G6PD: variants seen among roughly 807,000 people sequenced by gnomAD.
G6PD encodes glucose-6-phosphate dehydrogenase.
A neutral mutation model predicts 38.2 loss-of-function variants in G6PD; 2 were observed. The observed-to-expected ratio is 0.05, with a 90% confidence interval of 0.02 to 0.16. G6PD has a LOEUF of 0.16. Ranked by LOEUF, G6PD falls within the 10% of genes least tolerant of loss-of-function variation. G6PD has a pLI of 1.00. For synonymous variants in G6PD, 188 were observed against 196.0 expected (o/e 0.96, Z 0.34); for missense variants, 310 against 471.6 (o/e 0.66, Z 3.17).
At chrX:154,538,359 GGTA>G (rs1407764386) in intron 2 of G6PD, among the ~76,000 whole-genome samples, 1 of 111,558 alleles carries the variant, frequency 9.0e-6, no homozygotes, top group Non-Finnish European at 1.9e-5. Flanking sequence ...TGTTAAAAAC[GGTA>G]GGTTTTTTAT....
At position 154,542,119 on chromosome X, in the gene G6PD, A is replaced by C. The variant is rs2070525771; in HGVS notation, c.120+3917T>G. The stretch of plus-strand genomic sequence containing the variant: ...TCACCGGGGCTTTGGGGGAGTGCCA[A>C]CATCATCATGACACAGCAAGAATCT... On this transcript the variant is annotated intron_variant, in intron 2 of 12. Transcript: ENST00000393562. 3 of 429,955 alleles carry C rather than the reference A, an allele frequency of 7.0e-6. No individual in the cohort carries two copies. The Admixed American group carries it at 1.5e-4, about 22-fold the overall frequency. 35.4% of individuals were successfully genotyped at this position (429,955 alleles called of 1,213,427 possible). A position where few individuals can be genotyped will look rare whatever the true frequency, so the allele number is the denominator to read the frequency against.
chrX:154,545,945 C>G (rs2070697480), intron 2 of G6PD, 91 bp downstream of exon 2: 8 of 1,107,052 alleles, frequency 7.2e-6, no homozygotes, highest in African/African-American at 1.8e-5. Flanking sequence ...CTTAGCAGAG[C>G]CTGTGGGGCC....
In G6PD at chrX:154,533,389, G is replaced by C. The variant is rs1291013881; in HGVS notation, c.864+187C>G. 7.5e-6 allele frequency: 4 copies of C among 530,227 alleles called. No homozygotes were observed. The South Asian group carries it at 1.2e-4, about 16-fold the overall frequency. 43.7% of individuals were successfully genotyped at this position (530,227 alleles called of 1,213,427 possible). On this transcript the variant is annotated intron_variant, in intron 8 of 12. Coordinates refer to ENST00000393562, the MANE Select transcript of G6PD (RefSeq NM_001360016.2). Reference sequence around the variant, plus strand: ...TGGTCACATAGTGACTGTCAGGCCTGGGACATGACAACTTGGGCTTCATGA... The same window carrying C: ...TGGTCACATAGTGACTGTCAGGCCTCGGACATGACAACTTGGGCTTCATGA...
At chrX:154,544,850 G>C (rs782326747) in intron 2 of G6PD, among the ~76,000 whole-genome samples, 1 of 112,488 alleles carries the variant, frequency 8.9e-6, no homozygotes, top group African/African-American at 3.2e-5. Context: ...GTGACAGCGC[G>C]TTGTTCTATG....
chrX:154,537,591 G>C (rs2070425216), intron 2 of G6PD, among the ~76,000 whole-genome samples: 1 of 112,127 alleles, frequency 8.9e-6, no homozygotes, highest in African/African-American at 3.2e-5. Context: ...CTCCAGCCTG[G>C]GCTACAAAAG....
intron 2 of G6PD, among the ~76,000 whole-genome samples, chrX:154,542,732 C>T (rs1226991482): frequency 1.8e-5 from 2 of 111,971 alleles, no homozygotes; most frequent in East Asian, 2.8e-4. Flanking sequence ...CTCGGGGCTC[C>T]GGGCATTTGC....
In G6PD at chrX:154,534,319, G is replaced by C. The variant is rs201113696; in HGVS notation, c.644+19C>G. On this transcript the variant is annotated intron_variant, in intron 6 of 12. Coordinates refer to ENST00000393562, the MANE Select transcript of G6PD (RefSeq NM_001360016.2). ...AGTACCACCCCCACCCTGGTCCCCC[G>C]GCCCAGGCTTGGCCCCACCTCAGCA... 1 of 1,210,581 alleles carries C rather than the reference G, an allele frequency of 8.3e-7. No individual in the cohort carries two copies. The highest frequency in any genetic ancestry group is 3.0e-5 in the East Asian group (1 of 33,808).
At chrX:154,546,326 G>C (rs890195733) in intron 1 of G6PD, 163 bp from the exon 2 acceptor site, 3 of 644,836 alleles carry the variant, frequency 4.7e-6, no homozygotes, top group Non-Finnish European at 7.3e-6. Flanking sequence ...TGATGGGTTA[G>C]AAACTGCTGG....
chrX:154,546,599 G>A (rs1755042729), intron 1 of G6PD, among the ~76,000 whole-genome samples, 190 bp downstream of exon 1: 1 of 110,986 alleles, frequency 9.0e-6, no homozygotes, highest in Non-Finnish European at 1.9e-5. Context: ...GACCCCGGTC[G>A]GCAAGTCCCC....
chrX:154,540,853 G>A (rs1399428371), intron 2 of G6PD, among the ~76,000 whole-genome samples: 1 of 111,099 alleles, frequency 9.0e-6, no homozygotes, highest in Non-Finnish European at 1.9e-5. Flanking sequence ...CAGGGGCCCT[G>A]CTCCACTTCT....
chrX:154,545,731 G>T (rs1423562364), intron 2 of G6PD: 10 of 268,206 alleles, frequency 3.7e-5, no homozygotes, highest in Non-Finnish European at 6.7e-6. Context: ...GCTACTTGGG[G>T]GGCTGAGGCA....
chrX:154,532,444 C>A lies in G6PD; in HGVS notation c.1306G>T (p.Ala436Ser). ...NRYKNVKLPDAYERLILDVFC... is the reference protein window; with the variant it reads ...NRYKNVKLPDSYERLILDVFC... The stretch of plus-strand genomic sequence containing the variant: ...ACGTCCAGGATGAGGCGCTCATAGG[C>A]GTCAGGGAGCTTCACGTTCTGTGAG... The change falls in exon 11 of 13, where the codon GCC (alanine) becomes TCC (serine). Residue 436 changes from alanine (A) to serine (S), a missense_variant. Ala to Ser is a moderately conservative substitution (Grantham distance 99). Transcript: ENST00000393562. 8.3e-7 allele frequency: 1 copy of A among 1,211,381 alleles called. No individual in the cohort carries two copies. The highest frequency in any genetic ancestry group is 1.1e-6 in the Non-Finnish European group (1 of 895,365).
At position 154,532,078 on chromosome X, in the gene G6PD, C is replaced by T. The variant is rs782206043; in HGVS notation, c.1470G>A (p.Thr490=). Residue 490 remains threonine (T), a synonymous_variant, in exon 13 of 13, where the codon ACG becomes ACA. Coordinates refer to ENST00000393562, the MANE Select transcript of G6PD (RefSeq NM_001360016.2). ...IPYIYGSRGP[T]EADELMKRVG... is the part of the protein sequence containing the mutation. ...CTCTCTTCATCAGCTCGTCTGCCTC[C>T]GTGGGGCCTCGGCTGGAGAGTGACG... The T allele has an allele frequency of 1.3e-5, 16 of 1,207,438 alleles. No homozygotes were observed. The East Asian group carries it at 3.0e-4, about 22-fold the overall frequency.
chrX:154,537,191 G>C (rs933007818), intron 2 of G6PD, among the ~76,000 whole-genome samples: 5 of 111,929 alleles, frequency 4.5e-5, no homozygotes, highest in Non-Finnish European at 9.4e-5. Context: ...TGTAGTCCCA[G>C]CTACTCGGAA....
chrX:154,531,868 C>A lies in G6PD; in HGVS notation c.*132G>T, dbSNP rs1196750737. 1.1e-5 allele frequency: 11 copies of A among 1,040,598 alleles called. No individual in the cohort carries two copies. In the African/African-American group the frequency reaches 1.9e-4, roughly 18 times the overall value. The allele number at this position is 1,040,598 out of a possible 1,213,427, so 85.8% of individuals were successfully genotyped here. Reference sequence around the variant, plus strand: ...CTCGGGTAGTAGCAGCAGCGAGGGGCGGGCCAGGGTGGCCAGAGCCCGGGG... The same window carrying A: ...CTCGGGTAGTAGCAGCAGCGAGGGGAGGGCCAGGGTGGCCAGAGCCCGGGG... On this transcript the variant is annotated 3_prime_UTR_variant, in exon 13 of 13. Transcript: ENST00000393562.
Position 154,535,504 on chromosome X carries a change from A to C in G6PD, c.268-119T>G. 3 of 650,943 alleles carry C rather than the reference A, an allele frequency of 4.6e-6. No individual in the cohort carries two copies. In the South Asian group the frequency reaches 7.3e-5, roughly 16 times the overall value. 53.6% of individuals were successfully genotyped at this position (650,943 alleles called of 1,213,427 possible). A position where few individuals can be genotyped will look rare whatever the true frequency, so the allele number is the denominator to read the frequency against. ...CTGGAGGTCCAGGGAGGGTGCCCTC[A>C]GAAGTCAGTGTCCCCGTCCCACACT... On this transcript the variant is annotated intron_variant, in intron 4 of 12. Coordinates refer to ENST00000393562, the MANE Select transcript of G6PD (RefSeq NM_001360016.2).
At chrX:154,545,391 G>T (rs1266753753) in intron 2 of G6PD, among the ~76,000 whole-genome samples, 1 of 111,791 alleles carries the variant, frequency 8.9e-6, no homozygotes, top group Non-Finnish European at 1.9e-5. Flanking sequence ...CCTGCCTTTG[G>T]AACTCATTTG....
At chrX:154,544,913 G>A (rs1434945908) in intron 2 of G6PD, among the ~76,000 whole-genome samples, 2 of 112,697 alleles carry the variant, frequency 1.8e-5, no homozygotes, top group African/African-American at 6.4e-5. Flanking sequence ...CGATGTGGAA[G>A]AACTAACTAG....
At chrX:154,538,800 G>A (rs782266954) in intron 2 of G6PD, among the ~76,000 whole-genome samples, 57 of 110,440 alleles carry the variant, frequency 5.2e-4, no homozygotes, top group Non-Finnish European at 9.9e-4. Context: ...GGTGGTGTAT[G>A]CCTGTAATCC....
Sources: gnomAD v4.1 joint callset for allele counts (sites outside exome capture counted in the v4.1 genomes callset) on GRCh38, gnomAD v4.1.1 for gene constraint, MANE v1.5 for transcripts, NCBI Gene and HGNC (gene_info 2026-07-23, HGNC 2026-07-21) for gene names.